TRPM2: variants seen among roughly 807,000 people sequenced by gnomAD.
TRPM2 encodes the protein estrogen-responsive element-associated gene 1 protein.
In TRPM2, 161 loss-of-function variants were observed where a neutral mutation model predicts 174.0. That is an observed-to-expected ratio of 0.93 (90% CI 0.81 to 1.05). TRPM2 has a LOEUF of 1.05. Among genes scored for constraint, TRPM2 ranks in the 50% least tolerant of loss-of-function variants. The pLI is 0.00. For missense variants in TRPM2, 2,057 were observed against 2,038.0 expected, an observed-to-expected ratio of 1.01 and a Z score of -0.18; for synonymous variants, 954 against 861.3, an observed-to-expected ratio of 1.11 and a Z score of -1.88.
intron 7 of TRPM2, among the ~76,000 whole-genome samples, chr21:44,378,635 C>A (rs761277911): frequency 2.0e-5 from 3 of 152,188 alleles, no homozygotes; most frequent in Non-Finnish European, 4.4e-5. Flanking sequence ...AGCCCAGGTG[C>A]CCTCCTCATG....
chr21:44,380,824 T>C (rs1237157949), intron 8 of TRPM2, among the ~76,000 whole-genome samples: 1 of 152,212 alleles, frequency 6.6e-6, no homozygotes, highest in African/African-American at 2.4e-5. Flanking sequence ...CTTTCTCATC[T>C]GTTAAGTAGG....
chr21:44,439,309 C>G lies in TRPM2; in HGVS notation c.4269+141C>G. 1.4e-6 allele frequency: 1 copy of G among 702,684 alleles called. No homozygotes were observed. The allele number at this position is 702,684 out of a possible 1,614,324, so 43.5% of individuals were successfully genotyped here. Reference sequence around the variant, plus strand: ...CTTCACCAGGTGACGGTGGTCCCAGCCCCTGCCCCCACGTTGCACAGCTCC... The same window carrying G: ...CTTCACCAGGTGACGGTGGTCCCAGGCCCTGCCCCCACGTTGCACAGCTCC... On this transcript the variant is annotated intron_variant, in intron 30 of 31. Coordinates refer to ENST00000397928, the MANE Select transcript of TRPM2 (RefSeq NM_003307.4). This position sits in a 1 kb window ranked among gnomAD's most constrained non-coding sequence, Gnocchi z 5.1.
At position 44,391,367 on chromosome 21, in the gene TRPM2, G is replaced by A. The variant is rs202156535; in HGVS notation, c.1536G>A (p.Glu512=). 4 of 1,614,192 alleles carry A rather than the reference G, an allele frequency of 2.5e-6. No individual in the cohort carries two copies. The highest frequency in any genetic ancestry group is 3.3e-5 in the Admixed American group (2 of 60,038). ...TGGAGAACGGGGTGCAGCTGAAGGA[G>A]TTTGTCACCTGGGACACCTTGCTCT... ...LFLENGVQLK[E]FVTWDTLLYL... The change falls in exon 11 of 32, where the codon GAG becomes GAA. Residue 512 remains glutamate (E), a synonymous_variant. Coordinates refer to ENST00000397928, the MANE Select transcript of TRPM2 (RefSeq NM_003307.4). This position sits in a 1 kb window ranked among gnomAD's most constrained non-coding sequence, Gnocchi z 5.0.
At chr21:44,408,108 G>C (rs1352458302) in intron 19 of TRPM2, among the ~76,000 whole-genome samples, 1 of 151,718 alleles carries the variant, frequency 6.6e-6, no homozygotes, top group Non-Finnish European at 1.5e-5. Context: ...ACCACGCTTG[G>C]CTAATTTTTG....
chr21:44,387,530 A>C (rs1346399083), intron 9 of TRPM2, among the ~76,000 whole-genome samples: 1 of 152,244 alleles, frequency 6.6e-6, no homozygotes, highest in African/African-American at 2.4e-5. Context: ...AGGAAACAAA[A>C]GAAAAAATAG....
chr21:44,387,611 A>G (rs1335795350), intron 9 of TRPM2, among the ~76,000 whole-genome samples: 1 of 152,244 alleles, frequency 6.6e-6, no homozygotes, highest in Non-Finnish European at 1.5e-5. Flanking sequence ...TAAAAAGGCA[A>G]CCCATGGAAT....
In TRPM2 at chr21:44,439,103, C is replaced by T; in HGVS notation, c.4204C>T (p.Leu1402=). 2.5e-6 allele frequency: 4 copies of T among 1,613,708 alleles called. No individual in the cohort carries two copies. In the Admixed American group the frequency reaches 5.0e-5, roughly 20 times the overall value. Residue 1402 remains leucine (L), a synonymous_variant, in exon 30 of 32, where the codon CTG becomes TTG. Coordinates refer to ENST00000397928, the MANE Select transcript of TRPM2 (RefSeq NM_003307.4). The surrounding 1 kb of genome is among the most constrained non-coding windows in gnomAD (Gnocchi z 5.1). ...REPGEMLPRK[L]KRILRQEHWP... is the part of the protein sequence containing the mutation. ...GCCAGGGGAGATGCTACCTCGGAAG[C>T]TGAAGCGGATCCTCCGGCAGGAGCA...
At chr21:44,435,791 A>AC (rs2051230401) in intron 28 of TRPM2, among the ~76,000 whole-genome samples, 2 of 88,870 alleles carry the variant, frequency 2.3e-5, no homozygotes, top group African/African-American at 4.8e-5. Context: ...CCCCACACTC[A>AC]CCCCTCAGAC....
At chr21:44,395,315 G>A in intron 11 of TRPM2, 99 bp from the exon 12 acceptor site, 2 of 1,438,390 alleles carry the variant, frequency 1.4e-6, no homozygotes, top group Non-Finnish European at 1.9e-6. Flanking sequence ...ATCCTGAGAA[G>A]GTCGGGGCTG....
At chr21:44,424,615 C>T (rs1347360526) in intron 23 of TRPM2, among the ~76,000 whole-genome samples, 1 of 152,218 alleles carries the variant, frequency 6.6e-6, no homozygotes, top group Admixed American at 6.5e-5. Context: ...GGGGAGGCTG[C>T]ACCATCAGAT....
chr21:44,434,248 G>A (rs1477127599), intron 27 of TRPM2, among the ~76,000 whole-genome samples: 1 of 152,102 alleles, frequency 6.6e-6, no homozygotes, highest in Non-Finnish European at 1.5e-5. Context: ...CTGTGGTGGG[G>A]ACGGTGGCGG....
At chr21:44,384,153 T>C (rs925680784) in intron 9 of TRPM2, among the ~76,000 whole-genome samples, 23 of 152,138 alleles carry the variant, frequency 1.5e-4, no homozygotes, top group African/African-American at 5.3e-4. Flanking sequence ...TTACTAAAAT[T>C]AGAAATGAAA....
intron 11 of TRPM2, among the ~76,000 whole-genome samples, chr21:44,393,288 G>A (rs1163121583): frequency 2.3e-5 from 2 of 87,596 alleles, no homozygotes; most frequent in Admixed American, 1.1e-4. Flanking sequence ...GCAAAGCATC[G>A]ATGCCTTTGA....
intron 16 of TRPM2, among the ~76,000 whole-genome samples, chr21:44,403,193 C>T (rs1211380035): frequency 1.3e-5 from 2 of 152,190 alleles, no homozygotes; most frequent in Non-Finnish European, 2.9e-5. Context: ...AGAGGGGGCA[C>T]TTCCTTCTCC....
chr21:44,387,099 T>C (rs1275884385), intron 9 of TRPM2, among the ~76,000 whole-genome samples: 1 of 151,942 alleles, frequency 6.6e-6, no homozygotes, highest in Non-Finnish European at 1.5e-5. Flanking sequence ...GGGGAGAGGA[T>C]CACTTGAGCC....
intron 15 of TRPM2, among the ~76,000 whole-genome samples, chr21:44,401,001 A>G (rs1331518118): frequency 6.6e-6 from 1 of 152,182 alleles, no homozygotes; most frequent in Non-Finnish European, 1.5e-5. Context: ...TGCAACCCGC[A>G]GTCCACACTG....
intron 12 of TRPM2, among the ~76,000 whole-genome samples, chr21:44,396,761 GGGGTGTGGAGGGGTGTGGA>G (rs2049430405): frequency 3.9e-4 from 2 of 5,088 alleles, no homozygotes; most frequent in South Asian, 3.8e-3. Flanking sequence ...GGGGTGTGGA[GGGGTGTGGAGGGGTGTGGA>G]GGCTGTGGAG....
chr21:44,441,827 C>T lies in TRPM2; in HGVS notation c.*10C>T, dbSNP rs201532356. ...CGGGGCTCACTACTGACTGTGCCCT[C>T]AGGCTGGGCGGCTCCAGTCCATAGA... On this transcript the variant is annotated 3_prime_UTR_variant, in exon 32 of 32. Transcript: ENST00000397928. 1.2e-4 allele frequency: 190 copies of T among 1,597,336 alleles called. 1 individual carries two copies. In the African/African-American group the frequency reaches 2.2e-3, roughly 18 times the overall value.
At position 44,431,303 on chromosome 21, in the gene TRPM2, T is replaced by C. The variant is rs189210959; in HGVS notation, c.3975-3828T>C. Among the ~76,000 whole-genome samples the C allele has an allele frequency of 6.3e-3, 955 of 151,908 alleles. 4 individuals are homozygous for C. The highest frequency in any genetic ancestry group is 0.014 in the Middle Eastern group (4 of 294). ...CATTTTACACTTTTGTTTTGCTCTT[T>C]TTTTTTTTTCTTTTTGTGGAGAATG... is the stretch of plus-strand genomic sequence containing the variant. On this transcript the variant is annotated intron_variant, in intron 27 of 31. Coordinates refer to ENST00000397928, the MANE Select transcript of TRPM2 (RefSeq NM_003307.4).
Sources: allele counts gnomAD v4.1 joint callset (sites outside exome capture counted in the v4.1 genomes callset), GRCh38; gene constraint gnomAD v4.1.1; non-coding constraint Gnocchi (gnomAD v3.1); transcripts MANE v1.5; gene names NCBI Gene and HGNC (gene_info 2026-07-23, HGNC 2026-07-21).